The following PHKB variants were observed in gnomAD, a reference collection of about 807,000 sequenced individuals.
PHKB encodes phosphorylase b kinase regulatory subunit beta.
A neutral mutation model predicts 152.1 loss-of-function variants in PHKB; 122 were observed. The ratio of observed to expected loss-of-function variants is 0.80; its 90% CI spans 0.69 to 0.93. The LOEUF (loss-of-function observed/expected upper bound fraction) is 0.93. PHKB is among the 40% of genes least tolerant of loss of function. The pLI is 0.00. For missense variants in PHKB, 1,304 were observed against 1,328.4 expected (o/e 0.98, Z 0.29); for synonymous variants, 436 against 464.9 (o/e 0.94, Z 0.80).
At chr16:47,676,256 C>T (rs1054961667) in intron 26 of PHKB, 2 of 152,102 alleles carry the variant, frequency 1.3e-5, no homozygotes, top group Admixed American at 1.3e-4. Context: ...GGTTGTAGCA[C>T]AATTTTAAAA....
At chr16:47,580,205 G>A (rs1971818522) in intron 7 of PHKB, 90 bp from the exon 8 acceptor site, 1 of 935,142 alleles carries the variant, frequency 1.1e-6, no homozygotes, top group Non-Finnish European at 1.7e-6. Flanking sequence ...TGTTAATAAA[G>A]AAATTTGCTC....
chr16:47,564,950 C>G, intron 7 of PHKB: 1 of 250,760 alleles, frequency 4.0e-6, no homozygotes, highest in Non-Finnish European at 7.8e-6. Flanking sequence ...TTCCATTGGT[C>G]TGTGTGTCTT....
At chr16:47,559,659 G>T (rs1470108505) in intron 7 of PHKB, among the ~76,000 whole-genome samples, 1 of 152,134 alleles carries the variant, frequency 6.6e-6, no homozygotes, top group Non-Finnish European at 1.5e-5. Flanking sequence ...CATGGTGGCT[G>T]GGCTCCAAGG....
intron 1 of PHKB, among the ~76,000 whole-genome samples, chr16:47,491,101 C>T (rs1383600045): frequency 1.3e-5 from 2 of 152,152 alleles, no homozygotes; most frequent in Admixed American, 1.3e-4. Flanking sequence ...TACCTCCTAG[C>T]AATTTGAACT....
chr16:47,503,528 G>A (rs1019457455), intron 4 of PHKB, among the ~76,000 whole-genome samples: 2 of 152,116 alleles, frequency 1.3e-5, no homozygotes, highest in African/African-American at 4.8e-5. Flanking sequence ...AGGAATTATA[G>A]GCTTAGAAAA....
chr16:47,539,087 A>G (rs1047210462), intron 6 of PHKB, among the ~76,000 whole-genome samples: 1 of 152,230 alleles, frequency 6.6e-6, no homozygotes, highest in Non-Finnish European at 1.5e-5. Flanking sequence ...TTATTAAAAT[A>G]AAGGAACGTT....
At chr16:47,555,906 A>C (rs1158135579) in intron 7 of PHKB, among the ~76,000 whole-genome samples, 2 of 152,226 alleles carry the variant, frequency 1.3e-5, no homozygotes, top group Non-Finnish European at 2.9e-5. Context: ...CCTACCCATG[A>C]GCATGGAATG....
chr16:47,637,151 A>T (rs183764303), intron 14 of PHKB, among the ~76,000 whole-genome samples: 1 of 152,122 alleles, frequency 6.6e-6, no homozygotes, highest in Non-Finnish European at 1.5e-5. Flanking sequence ...AGAGCTGGAC[A>T]CTCATCGGAA....
chr16:47,496,569 G>A (rs887108569), intron 1 of PHKB, among the ~76,000 whole-genome samples: 1 of 152,136 alleles, frequency 6.6e-6, no homozygotes. Context: ...ATCCAGAGGT[G>A]GATTAATTGT....
At chr16:47,613,400 GTA>G (rs1015335888) in intron 14 of PHKB, among the ~76,000 whole-genome samples, 1 of 152,088 alleles carries the variant, frequency 6.6e-6, no homozygotes, top group African/African-American at 2.4e-5. Context: ...GCTTCATTGT[GTA>G]TAGTTTTTAC....
intron 1 of PHKB, among the ~76,000 whole-genome samples, chr16:47,469,397 A>C (rs1463913464): frequency 6.6e-6 from 1 of 152,244 alleles, no homozygotes; most frequent in Admixed American, 6.5e-5. Flanking sequence ...TGGTACATAT[A>C]CACCAGGGAA....
At chr16:47,674,661 A>C (rs1196714314) in intron 26 of PHKB, among the ~76,000 whole-genome samples, 2 of 152,212 alleles carry the variant, frequency 1.3e-5, no homozygotes, top group Non-Finnish European at 2.9e-5. Context: ...GTATTTGCAG[A>C]GGAAATAATA....
At chr16:47,639,117 T>C (rs1972972001) in intron 14 of PHKB, among the ~76,000 whole-genome samples, 1 of 151,842 alleles carries the variant, frequency 6.6e-6, no homozygotes, top group Non-Finnish European at 1.5e-5. Flanking sequence ...TTACAAAAAA[T>C]ATAAAAATTA....
chr16:47,667,390 A>C (rs893740852), intron 25 of PHKB, among the ~76,000 whole-genome samples: 1 of 152,182 alleles, frequency 6.6e-6, no homozygotes, highest in African/African-American at 2.4e-5. Flanking sequence ...AGCTGTGATC[A>C]TACACTCCAG....
intron 6 of PHKB, among the ~76,000 whole-genome samples, chr16:47,521,705 G>A (rs2151655810): frequency 6.6e-6 from 1 of 151,250 alleles, no homozygotes; most frequent in South Asian, 2.1e-4. Flanking sequence ...GGTTTTTTTG[G>A]AGATGCCCTT....
chr16:47,476,298 CAG>C (rs1399475727), intron 1 of PHKB, among the ~76,000 whole-genome samples: 7 of 151,620 alleles, frequency 4.6e-5, no homozygotes, highest in Non-Finnish European at 5.9e-5. Flanking sequence ...GTATTTCTAA[CAG>C]AAATTATTTT....
At chr16:47,515,241 A>C (rs1019101996) in intron 5 of PHKB, among the ~76,000 whole-genome samples, 1 of 152,256 alleles carries the variant, frequency 6.6e-6, no homozygotes, top group Non-Finnish European at 1.5e-5. Context: ...CCATGTAAAG[A>C]AACCAAATGA....
chr16:47,653,499 T>G (rs1973276930), intron 20 of PHKB, among the ~76,000 whole-genome samples: 1 of 152,192 alleles, frequency 6.6e-6, no homozygotes, highest in African/African-American at 2.4e-5. Flanking sequence ...CTCTTTCCTG[T>G]TCTCTTTGTC....
In PHKB at chr16:47,660,572, G is replaced by A; in HGVS notation, c.2033+5G>A. ...ACGAATCAGTGACACAGAAGAGTAA[G>A]TCCCTTTGGGTTATTTCATTTTTGG... On this transcript the variant is annotated splice_donor_5th_base_variant and intron_variant, in intron 21 of 30. Coordinates refer to ENST00000323584, the MANE Select transcript of PHKB (RefSeq NM_000293.3). 1 of 1,612,838 alleles carries A rather than the reference G, an allele frequency of 6.2e-7. No homozygotes were observed. The highest frequency in any genetic ancestry group is 1.7e-5 in the Admixed American group (1 of 60,010).
Sources: allele counts gnomAD v4.1 joint callset (sites outside exome capture counted in the v4.1 genomes callset), GRCh38; gene constraint gnomAD v4.1.1; transcripts MANE v1.5; gene names NCBI Gene and HGNC (gene_info 2026-07-23, HGNC 2026-07-21).